The following TFCP2 variants were observed in gnomAD, a reference collection of about 807,000 sequenced individuals.
TFCP2 encodes the protein transcription factor CP2.
In TFCP2, 33 loss-of-function variants were observed where a neutral mutation model predicts 73.4. The observed-to-expected ratio is 0.45, with a 90% CI of 0.34 to 0.60. The LOEUF (loss-of-function observed/expected upper bound fraction) is 0.60. TFCP2 is among the 20% of genes least tolerant of loss of function. TFCP2 has a pLI of 0.01. For synonymous variants in TFCP2, 193 were observed against 211.6 expected, an observed-to-expected ratio of 0.91 and a Z score of 0.76; for missense variants, 352 against 604.0, an observed-to-expected ratio of 0.58 and a Z score of 4.37.
At chr12:51,103,874 A>G in intron 9 of TFCP2, 111 bp from the exon 10 acceptor site, 1 of 898,904 alleles carries the variant, frequency 1.1e-6, no homozygotes, top group Non-Finnish European at 1.7e-6. Context: ...CTAGTTTGTG[A>G]AAGTTGTTTT....
chr12:51,164,373 C>T (rs1941709784), intron 1 of TFCP2, among the ~76,000 whole-genome samples: 1 of 151,936 alleles, frequency 6.6e-6, no homozygotes. Context: ...CCGAGGCGGG[C>T]AGATCACAAG....
In TFCP2 at chr12:51,103,714, C is replaced by A. The variant is rs563834540; in HGVS notation, c.1016G>T (p.Arg339Leu). The A allele has an allele frequency of 1.9e-5, 30 of 1,613,912 alleles. No individual in the cohort carries two copies. The highest frequency in any genetic ancestry group is 1.4e-5 in the Non-Finnish European group (16 of 1,180,000). The change falls in exon 10 of 15, where the codon CGA (arginine) becomes CTA (leucine). Residue 339 changes from arginine (R) to leucine (L), a missense_variant. Physicochemically the swap from Arg to Leu is moderately radical, Grantham distance 102. Transcript: ENST00000257915. Reference sequence around the variant, plus strand: ...CCTTGTGAATGTAGAAAAACGATTTCGATGCAACCACTGCTGAGCTTCCTG... The same window carrying A: ...CCTTGTGAATGTAGAAAAACGATTTAGATGCAACCACTGCTGAGCTTCCTG... ...TPQEAQQWLH[R>L]NRFSTFTRLF... is the part of the protein sequence containing the mutation.
intron 1 of TFCP2, chr12:51,157,117 G>C (rs1362320637): frequency 6.6e-6 from 1 of 151,790 alleles, no homozygotes; most frequent in Non-Finnish European, 1.5e-5. Context: ...CCAGGTTCAA[G>C]TGATTCTCCT....
intron 4 of TFCP2, among the ~76,000 whole-genome samples, chr12:51,112,866 C>A (rs1348343171): frequency 0.017 from 1,829 of 110,520 alleles, no homozygotes; most frequent in Middle Eastern, 0.019. Context: ...GACTCTGTCT[C>A]AAAAAAAAAA....
At chr12:51,119,036 A>G (rs1361463656) in intron 1 of TFCP2, among the ~76,000 whole-genome samples, 1 of 152,222 alleles carries the variant, frequency 6.6e-6, no homozygotes, top group Non-Finnish European at 1.5e-5. Context: ...TCCTAAAAGG[A>G]CTGTGGAAAT....
chr12:51,111,305 G>A (rs543100947), intron 4 of TFCP2, among the ~76,000 whole-genome samples: 8 of 151,602 alleles, frequency 5.3e-5, no homozygotes, highest in East Asian at 2.0e-4. Flanking sequence ...CACCACGCCC[G>A]GCTAATTTTT....
At chr12:51,107,900 A>T (rs1013542384) in intron 6 of TFCP2, among the ~76,000 whole-genome samples, 3 of 151,262 alleles carry the variant, frequency 2.0e-5, no homozygotes, top group Non-Finnish European at 4.4e-5. Flanking sequence ...CACCGTGCCT[A>T]GCCTCAAAAC....
At chr12:51,127,996 C>T (rs899120844) in intron 1 of TFCP2, among the ~76,000 whole-genome samples, 4 of 151,796 alleles carry the variant, frequency 2.6e-5, no homozygotes, top group Non-Finnish European at 5.9e-5. Flanking sequence ...CTCGGCTCAC[C>T]GCAACCTCTG....
At chr12:51,129,993 A>G (rs1338308487) in intron 1 of TFCP2, among the ~76,000 whole-genome samples, 1 of 143,404 alleles carries the variant, frequency 7.0e-6, no homozygotes, top group African/African-American at 2.6e-5. Context: ...ACAAAAAAAA[A>G]TTGTTAAATT....
rs752692790 is a variant in TFCP2, at chr12:51,107,206, T to C, written c.828+30A>G. On this transcript the variant is annotated intron_variant, in intron 7 of 14. Coordinates refer to ENST00000257915, the MANE Select transcript of TFCP2 (RefSeq NM_005653.5). ...ATTTTTAAGATTAAAAATTATGAAC[T>C]GAAATTGTCACCAAAAGAAATCTTT... The C allele has an allele frequency of 1.6e-5, 25 of 1,545,214 alleles. No individual in the cohort carries two copies. The East Asian group carries it at 5.4e-4, about 33-fold the overall frequency.
intron 1 of TFCP2, among the ~76,000 whole-genome samples, chr12:51,163,630 T>C (rs1366176562): frequency 6.6e-6 from 1 of 151,226 alleles, no homozygotes; most frequent in African/African-American, 2.4e-5. Context: ...TAATAAAATA[T>C]TAGAAAGAAG....
At chr12:51,125,835 T>C (rs79249938) in intron 1 of TFCP2, among the ~76,000 whole-genome samples, 2,030 of 152,098 alleles carry the variant, frequency 0.013, 41 homozygotes, top group African/African-American at 0.044. Flanking sequence ...TGGTGGCTCA[T>C]GCCTGTAATC....
intron 10 of TFCP2, 26 bp downstream of exon 10, chr12:51,103,644 A>G (rs1940161578): frequency 1.3e-6 from 2 of 1,596,492 alleles, no homozygotes; most frequent in Non-Finnish European, 1.7e-6. Flanking sequence ...CATGCTAGGG[A>G]AAACAAAAGA....
intron 1 of TFCP2, among the ~76,000 whole-genome samples, chr12:51,135,306 A>G (rs575430723): frequency 3.6e-4 from 54 of 152,076 alleles, no homozygotes; most frequent in African/African-American, 1.2e-3. Flanking sequence ...GGGCACCTGT[A>G]GTCCCAGCTA....
At chr12:51,160,492 A>G (rs1026361078) in intron 1 of TFCP2, among the ~76,000 whole-genome samples, 2 of 151,944 alleles carry the variant, frequency 1.3e-5, no homozygotes, top group African/African-American at 4.8e-5. Context: ...TTATCTTTTA[A>G]GTGAAAAAAA....
At chr12:51,168,541 GA>G (rs1941797814) in intron 1 of TFCP2, among the ~76,000 whole-genome samples, 1 of 152,120 alleles carries the variant, frequency 6.6e-6, no homozygotes, top group East Asian at 1.9e-4. Flanking sequence ...CTGGAGTGCA[GA>G]GGCACAATCA....
chr12:51,127,260 A>G (rs1210368827), intron 1 of TFCP2, among the ~76,000 whole-genome samples: 1 of 152,218 alleles, frequency 6.6e-6, no homozygotes, highest in Admixed American at 6.5e-5. Flanking sequence ...ACCAGACCTA[A>G]GGCTGAGGTG....
At chr12:51,107,804 C>A (rs898267274) in intron 6 of TFCP2, among the ~76,000 whole-genome samples, 2 of 151,930 alleles carry the variant, frequency 1.3e-5, no homozygotes, top group East Asian at 3.9e-4. Flanking sequence ...CGGGGTTTCA[C>A]CATTTTGGTC....
intron 1 of TFCP2, among the ~76,000 whole-genome samples, chr12:51,154,025 T>C (rs1398621324): frequency 1.7e-5 from 2 of 117,180 alleles, no homozygotes; most frequent in African/African-American, 6.5e-5. Flanking sequence ...CTCTACATTC[T>C]TGCCAACACC....
Sources: allele counts gnomAD v4.1 joint callset (sites outside exome capture counted in the v4.1 genomes callset), GRCh38; gene constraint gnomAD v4.1.1; transcripts MANE v1.5; gene names NCBI Gene and HGNC (gene_info 2026-07-23, HGNC 2026-07-21).